Variants in LEMD1 observed in about 807,000 individuals in gnomAD.
The protein encoded by LEMD1 is LEM domain containing 1.
Under a neutral mutation model 17.4 loss-of-function variants are expected in LEMD1, and 18 were observed. The ratio of observed to expected loss-of-function variants is 1.04; its 90% CI spans 0.72 to 1.54. The LOEUF (loss-of-function observed/expected upper bound fraction) is 1.54. Ranked by LOEUF, LEMD1 falls within the 40% of genes most tolerant of loss-of-function variation. The probability of loss-of-function intolerance (pLI) is 0.00; values close to 1 mark genes in which losing one functional copy is unlikely to be tolerated. For missense variants in LEMD1, 195 were observed against 210.4 expected, an observed-to-expected ratio of 0.93 and a Z score of 0.45; for synonymous variants, 88 against 77.8, an observed-to-expected ratio of 1.13 and a Z score of -0.69.
intron 4 of LEMD1, among the ~76,000 whole-genome samples, chr1:205,408,095 G>C (rs1346916679): frequency 6.6e-6 from 1 of 152,176 alleles, no homozygotes; most frequent in East Asian, 1.9e-4. Context: ...TGTGTTCCTG[G>C]AGTGGTTGTG....
At chr1:205,433,818 A>G (rs1218889400) in intron 1 of LEMD1, among the ~76,000 whole-genome samples, 1 of 152,126 alleles carries the variant, frequency 6.6e-6, no homozygotes, top group Non-Finnish European at 1.5e-5. Context: ...GGAGCAGTCA[A>G]TCCACCGCTC....
At chr1:205,432,677 C>G (rs113380355) in intron 1 of LEMD1, among the ~76,000 whole-genome samples, 2,035 of 152,346 alleles carry the variant, frequency 0.013, 53 homozygotes, top group African/African-American at 0.046. Flanking sequence ...GGGCAGAAGT[C>G]TGTAGACGCT....
At chr1:205,439,807 C>T (rs879603739) in intron 1 of LEMD1, among the ~76,000 whole-genome samples, 2 of 152,134 alleles carry the variant, frequency 1.3e-5, no homozygotes, top group Non-Finnish European at 1.5e-5. Flanking sequence ...CGGAGAACTC[C>T]AGGATTAAAG....
intron 5 of LEMD1, among the ~76,000 whole-genome samples, chr1:205,382,721 G>A (rs779989732): frequency 2.6e-5 from 4 of 152,178 alleles, no homozygotes; most frequent in African/African-American, 7.2e-5. Flanking sequence ...CCAAGTCCTC[G>A]CTGGGAAATT....
intron 4 of LEMD1, among the ~76,000 whole-genome samples, chr1:205,408,227 T>C (rs1008285745): frequency 5.3e-5 from 8 of 152,132 alleles, no homozygotes; most frequent in African/African-American, 1.9e-4. Context: ...GGTGGTTATG[T>C]AGGAGAGTGT....
upstream of LEMD1, among the ~76,000 whole-genome samples, chr1:205,426,175 G>A (rs879736480): frequency 6.6e-6 from 1 of 152,164 alleles, no homozygotes; most frequent in Non-Finnish European, 1.5e-5. Flanking sequence ...CTAACCTCCC[G>A]TCCTGTCATG....
intron 4 of LEMD1, among the ~76,000 whole-genome samples, chr1:205,384,762 G>A (rs1452921653): frequency 6.6e-6 from 1 of 152,122 alleles, no homozygotes; most frequent in East Asian, 1.9e-4. Context: ...CTATGAACAA[G>A]GACTAGAAAA....
chr1:205,440,945 C>G (rs1666283770), intron 1 of LEMD1: 1 of 152,422 alleles, frequency 6.6e-6, no homozygotes, highest in African/African-American at 2.4e-5. Flanking sequence ...GTCTCCCGCT[C>G]TCTGTGAACT....
At chr1:205,411,082 G>A (rs1290713281) in intron 4 of LEMD1, among the ~76,000 whole-genome samples, 1 of 55,796 alleles carries the variant, frequency 1.8e-5, no homozygotes, top group African/African-American at 6.0e-5. Context: ...AAGAAATGAA[G>A]GAAAAAGAAG....
At chr1:205,398,896 T>A (rs189762841) in intron 4 of LEMD1, among the ~76,000 whole-genome samples, 1 of 152,110 alleles carries the variant, frequency 6.6e-6, no homozygotes, top group Non-Finnish European at 1.5e-5. Flanking sequence ...TTATTGTGAC[T>A]GGGTGATTAG....
intron 1 of LEMD1, chr1:205,440,803 G>C (rs957940163): frequency 6.6e-6 from 1 of 152,556 alleles, no homozygotes; most frequent in East Asian, 1.9e-4. Context: ...AGGCTGAGAA[G>C]AGCACTGGCT....
In LEMD1 at chr1:205,448,745, C is replaced by A. The variant is rs114517101; in HGVS notation, c.-39+1123G>T. ...CTACCCCTTCCCTAGAGAATAAGGCCGGATCTTTTCAAGGCTGCTGCTGCC... is the reference window on the plus strand; with the variant it reads ...CTACCCCTTCCCTAGAGAATAAGGCAGGATCTTTTCAAGGCTGCTGCTGCC... On this transcript the variant is annotated intron_variant, in intron 1 of 3. Coordinates refer to the LEMD1 transcript ENST00000367154. This position sits in a 1 kb window ranked among gnomAD's most constrained non-coding sequence, Gnocchi z 4.7. Among the ~76,000 whole-genome samples the A allele has an allele frequency of 1.3e-5, 2 of 152,092 alleles. No individual in the cohort carries two copies. The highest frequency in any genetic ancestry group is 4.8e-5 in the African/African-American group (2 of 41,418).
chr1:205,407,157 C>T (rs1665153365), intron 4 of LEMD1, among the ~76,000 whole-genome samples: 2 of 152,028 alleles, frequency 1.3e-5, no homozygotes, highest in Non-Finnish European at 2.9e-5. Context: ...TGATGAAACC[C>T]TGTTTTTACT....
chr1:205,425,430 G>A (rs983836979), upstream of LEMD1, among the ~76,000 whole-genome samples: 3 of 152,172 alleles, frequency 2.0e-5, no homozygotes, highest in African/African-American at 7.2e-5. Flanking sequence ...TGAGCAGCAG[G>A]AGGATGCCAA....
chr1:205,438,196 T>C (rs1287491384), intron 1 of LEMD1, among the ~76,000 whole-genome samples: 23 of 152,118 alleles, frequency 1.5e-4, no homozygotes. Context: ...GCTTTACAGA[T>C]GGGGAAAACT....
intron 4 of LEMD1, among the ~76,000 whole-genome samples, chr1:205,401,916 C>T (rs1001809240): frequency 6.6e-6 from 1 of 152,192 alleles, no homozygotes; most frequent in Admixed American, 6.6e-5. Flanking sequence ...CAGCTTTCTA[C>T]ATATGGCTAG....
At chr1:205,395,376 T>C (rs1023436801) in intron 4 of LEMD1, among the ~76,000 whole-genome samples, 1 of 151,940 alleles carries the variant, frequency 6.6e-6, no homozygotes, top group Non-Finnish European at 1.5e-5. Flanking sequence ...GGGCGGATCA[T>C]CTGAGGTTGG....
At chr1:205,382,710 C>T (rs1001385743) in intron 5 of LEMD1, among the ~76,000 whole-genome samples, 2 of 152,190 alleles carry the variant, frequency 1.3e-5, no homozygotes, top group Non-Finnish European at 2.9e-5. Flanking sequence ...CTTGCAGATC[C>T]CCAAGTCCTC....
Position 205,388,452 on chromosome 1 carries a change from G to T in LEMD1, c.271-4088C>A, listed in dbSNP as rs144175317. ...GATCCAACTGCCTCGGCCTCCCAAA[G>T]TGCAGGGATTACAAGTGTGAGCCAC... On this transcript the variant is annotated intron_variant, in intron 4 of 5. Transcript: ENST00000367153. 4.8e-3 allele frequency among the ~76,000 whole-genome samples: 735 copies of T among 152,240 alleles called. 5 individuals carry two copies. The highest frequency in any genetic ancestry group is 0.017 in the African/African-American group (716 of 41,548).
Sources: allele counts gnomAD v4.1 joint callset (sites outside exome capture counted in the v4.1 genomes callset), GRCh38; gene constraint gnomAD v4.1.1; non-coding constraint Gnocchi (gnomAD v3.1); transcripts MANE v1.5; gene names NCBI Gene and HGNC (gene_info 2026-07-23, HGNC 2026-07-21).